The following ARFRP1 variants were observed in gnomAD, a reference collection of about 807,000 sequenced individuals.
The protein encoded by ARFRP1 is ARF related protein 1.
In ARFRP1, 19 loss-of-function variants were observed where a neutral mutation model predicts 30.3. The observed-to-expected ratio is 0.63, with a 90% CI of 0.44 to 0.92. ARFRP1 has a LOEUF of 0.92. Among genes scored for constraint, ARFRP1 ranks in the 40% least tolerant of loss-of-function variants. The pLI, the probability that ARFRP1 is intolerant of heterozygous loss-of-function variation, is 0.00. For missense variants in ARFRP1, 245 were observed against 267.5 expected (o/e 0.92, Z 0.59); for synonymous variants, 133 against 114.2 (o/e 1.16, Z -1.05).
chr20:63,702,319 G>A, intron 4 of ARFRP1, 102 bp from the exon 5 acceptor site: 8 of 1,134,094 alleles, frequency 7.1e-6, no homozygotes, highest in Admixed American at 2.0e-5. Flanking sequence ...ACATGAGGAA[G>A]GGGCAAGAGG....
At position 63,698,760 on chromosome 20, in the gene ARFRP1, C is replaced by A; in HGVS notation, c.*1683G>T. ...GCCCGCTGTGCCCAGATCCCTCAGGCTGCCTGCCATCAGAACTGCTGCCCG... is the reference window on the plus strand; with the variant it reads ...GCCCGCTGTGCCCAGATCCCTCAGGATGCCTGCCATCAGAACTGCTGCCCG... On this transcript the variant is annotated 3_prime_UTR_variant, in exon 8 of 8. Transcript: ENST00000622789. 1.7e-6 allele frequency: 1 copy of A among 584,860 alleles called. No individual in the cohort carries two copies. The highest frequency in any genetic ancestry group is 2.0e-5 in the African/African-American group (1 of 50,538). The allele number at this position is 584,860 out of a possible 1,614,324, so 36.2% of individuals were successfully genotyped here.
chr20:63,707,360 C>T (rs1470899620), intron 1 of ARFRP1: 1 of 414,234 alleles, frequency 2.4e-6, no homozygotes, highest in Non-Finnish European at 4.4e-6. Context: ...CGCGGGACTA[C>T]CCAGCCGGGT....
intron 5 of ARFRP1, 107 bp downstream of exon 5, chr20:63,702,029 G>C: frequency 1.1e-6 from 1 of 885,242 alleles, no homozygotes; most frequent in Non-Finnish European, 1.7e-6. Flanking sequence ...CACTAGGCAG[G>C]AGCACTTCTG....
chr20:63,704,571 A>C (rs556470335), intron 4 of ARFRP1: 14 of 152,366 alleles, frequency 9.2e-5, no homozygotes, highest in African/African-American at 3.4e-4. Flanking sequence ...CACTCAAGGA[A>C]GGGCTGTGCA....
intron 4 of ARFRP1, chr20:63,705,359 C>G (rs73319719): frequency 5.1e-6 from 1 of 196,800 alleles, no homozygotes; most frequent in East Asian, 1.4e-4. Context: ...ATCAGGGCAG[C>G]CAAGGCACTG....
At chr20:63,706,832 A>G in intron 2 of ARFRP1, 94 bp from the exon 3 acceptor site, 1 of 1,307,950 alleles carries the variant, frequency 7.6e-7, no homozygotes. Context: ...AGACAGAAAC[A>G]GAAACAGAGC....
intron 5 of ARFRP1, 53 bp downstream of exon 5, chr20:63,702,083 G>C: frequency 6.4e-7 from 1 of 1,564,422 alleles, no homozygotes; most frequent in East Asian, 2.3e-5. Context: ...GCCCAAGCTG[G>C]ACCTGCCCCC....
intron 1 of ARFRP1, 68 bp from the exon 2 acceptor site, chr20:63,707,165 T>A: frequency 7.1e-7 from 1 of 1,401,510 alleles, no homozygotes; most frequent in Non-Finnish European, 9.8e-7. Context: ...TTCTCCACGG[T>A]GGTCAGTGGC....
intron 7 of ARFRP1, 30 bp from the exon 8 acceptor site, chr20:63,700,560 G>A (rs772401462): frequency 1.9e-6 from 3 of 1,610,590 alleles, no homozygotes; most frequent in African/African-American, 2.7e-5. Context: ...GAGGCGGGGG[G>A]TCTCGGTCCC....
Position 63,706,979 on chromosome 20 carries a change from G to T in ARFRP1, c.93+20C>A. 1 of 1,612,436 alleles carries T rather than the reference G, an allele frequency of 6.2e-7. No individual in the cohort carries two copies. ...CCGCCAGGCCGTGGGAAAGGTGCGC[G>T]CAAGGGCGTGGGCACTCACCGTCTT... On this transcript the variant is annotated intron_variant, in intron 2 of 7. Coordinates refer to ENST00000622789, the MANE Select transcript of ARFRP1 (RefSeq NM_001267547.3).
intron 4 of ARFRP1, chr20:63,704,533 C>T (rs1324006040): frequency 6.6e-6 from 1 of 152,238 alleles, no homozygotes; most frequent in Non-Finnish European, 1.5e-5. Context: ...AGTCGCACCC[C>T]AGCAGAAGTG....
Position 63,698,661 on chromosome 20 carries a change from T to C in ARFRP1, c.*1782A>G, listed in dbSNP as rs977539445. 11 of 1,292,878 alleles carry C rather than the reference T, an allele frequency of 8.5e-6. No homozygotes were observed. The highest frequency in any genetic ancestry group is 1.9e-5 in the African/African-American group (1 of 51,588). 80.1% of individuals were successfully genotyped at this position (1,292,878 alleles called of 1,614,324 possible). A position where few individuals can be genotyped will look rare whatever the true frequency, so the allele number is the denominator to read the frequency against. ...AAGAAATGAGGTTTCTTAAAGCTTA[T>C]TTTTATAAAGCTTTTTCATAAAACT... is the stretch of plus-strand genomic sequence containing the variant. On this transcript the variant is annotated 3_prime_UTR_variant, in exon 8 of 8. Transcript: ENST00000622789.
At chr20:63,704,563 C>T (rs2091367826) in intron 4 of ARFRP1, 1 of 152,246 alleles carries the variant, frequency 6.6e-6, no homozygotes, top group African/African-American at 2.4e-5. Context: ...TGGGAGGGCA[C>T]TCAAGGAAGG....
chr20:63,701,944 CCT>C (rs2091225966), intron 5 of ARFRP1, 44 bp from the exon 6 acceptor site: 1 of 1,537,700 alleles, frequency 6.5e-7, no homozygotes, highest in Admixed American at 2.0e-5. Flanking sequence ...CAGCATCCTG[CCT>C]CTGACTGCCC....
rs200046331 is a variant in ARFRP1, at chr20:63,701,827, C to T, written c.417+3G>A. ...TGCTGCGGGAGGCAGGGGTGGGGCT[C>T]ACCTCCACATCCTGCTTGTTGGCCA... is the stretch of plus-strand genomic sequence containing the variant. On this transcript the variant is annotated splice_donor_region_variant and intron_variant, in intron 6 of 7. Transcript: ENST00000622789. 10 of 1,549,968 alleles carry T rather than the reference C, an allele frequency of 6.5e-6. No homozygotes were observed. Among genetic ancestry groups the T allele is most frequent in the African/African-American group, 4.1e-5 (3 of 73,138 alleles).
At chr20:63,706,136 C>G (rs2091450666) in intron 4 of ARFRP1, 4 of 515,396 alleles carry the variant, frequency 7.8e-6, no homozygotes, top group South Asian at 6.0e-5. Context: ...AGGGAACTCC[C>G]AAGTGGGAAA....
At position 63,700,226 on chromosome 20, in the gene ARFRP1, G is replaced by C. The variant is rs889961701; in HGVS notation, c.*217C>G. The C allele has an allele frequency of 1.5e-6, 1 of 658,490 alleles. No individual in the cohort carries two copies. Among genetic ancestry groups the C allele is most frequent in the Non-Finnish European group, 2.5e-6 (1 of 397,516 alleles). The allele number at this position is 658,490 out of a possible 1,614,324, so 40.8% of individuals were successfully genotyped here. On this transcript the variant is annotated 3_prime_UTR_variant, in exon 8 of 8. Transcript: ENST00000622789. ...CCCTGTGGAAAGGCTGCCGCTGCAG[G>C]GCCTGGGCCAGCCGGGCTGCCAGAC...
chr20:63,699,870 TC>T lies in ARFRP1; in HGVS notation c.*572del, dbSNP rs1239513466. ...AGGCCCAGGCGTGGGGTATAGGTCTTCCCCCGCAGGCCTCAGCCCTGTCCCG... is the reference window on the plus strand; with the variant it reads ...AGGCCCAGGCGTGGGGTATAGGTCTTCCCCGCAGGCCTCAGCCCTGTCCCG... On this transcript the variant is annotated 3_prime_UTR_variant, in exon 8 of 8. Coordinates refer to ENST00000622789, the MANE Select transcript of ARFRP1 (RefSeq NM_001267547.3). The T allele has an allele frequency of 6.0e-6, 1 of 166,614 alleles. No individual in the cohort carries two copies. The highest frequency in any genetic ancestry group is 1.3e-5 in the Non-Finnish European group (1 of 75,718). 10.3% of individuals were successfully genotyped at this position (166,614 alleles called of 1,614,324 possible). A position where few individuals can be genotyped will look rare whatever the true frequency, so the allele number is the denominator to read the frequency against.
At chr20:63,703,045 A>G (rs1293426591) in intron 4 of ARFRP1, 1 of 152,370 alleles carries the variant, frequency 6.6e-6, no homozygotes, top group East Asian at 1.9e-4. Flanking sequence ...GTGCACCTCT[A>G]TCTCAATCAG....
Sources: gnomAD v4.1 joint callset for allele counts on GRCh38, gnomAD v4.1.1 for gene constraint, MANE v1.5 for transcripts, NCBI Gene and HGNC (gene_info 2026-07-23, HGNC 2026-07-21) for gene names.